Variants in SCMH1 observed in about 807,000 individuals in gnomAD.
The protein encoded by SCMH1 is polycomb protein SCMH1.
SCMH1 carries 37 observed loss-of-function variants against 70.8 expected under a neutral mutation model. That is an observed-to-expected ratio of 0.52 (90% CI 0.40 to 0.69). The LOEUF is 0.69. Ranked by LOEUF, SCMH1 falls within the 30% of genes least tolerant of loss-of-function variation. The probability of loss-of-function intolerance (pLI) is 0.00; values close to 1 mark genes in which losing one functional copy is unlikely to be tolerated. For synonymous variants in SCMH1, 292 were observed against 307.4 expected, an observed-to-expected ratio of 0.95 and a Z score of 0.52; for missense variants, 607 against 827.3, an observed-to-expected ratio of 0.73 and a Z score of 3.27.
chr1:41,169,665 T>C (rs1350974828), intron 2 of SCMH1, among the ~76,000 whole-genome samples: 2 of 152,202 alleles, frequency 1.3e-5, no homozygotes, highest in African/African-American at 4.8e-5. Context: ...CAATGCAAGT[T>C]AGTTGGAAGC....
chr1:41,132,006 A>G (rs1642396503), intron 6 of SCMH1, among the ~76,000 whole-genome samples: 2 of 152,196 alleles, frequency 1.3e-5, no homozygotes, highest in African/African-American at 4.8e-5. Flanking sequence ...TGCAATAAAT[A>G]TATGTGTGCA....
intron 8 of SCMH1, among the ~76,000 whole-genome samples, chr1:41,094,629 C>G (rs1276727414): frequency 6.6e-6 from 1 of 152,122 alleles, no homozygotes. Context: ...ATGGCTCACG[C>G]CTGTAATCCC....
At chr1:41,215,590 G>A (rs1251094910) in intron 1 of SCMH1, among the ~76,000 whole-genome samples, 1 of 151,796 alleles carries the variant, frequency 6.6e-6, no homozygotes, top group African/African-American at 2.4e-5. Context: ...TTCCTACTAT[G>A]CACCCAACTC....
intron 6 of SCMH1, among the ~76,000 whole-genome samples, chr1:41,132,513 A>T (rs1343158503): frequency 6.6e-6 from 1 of 152,064 alleles, no homozygotes; most frequent in Non-Finnish European, 1.5e-5. Flanking sequence ...CACTCTGCTG[A>T]TGGTTTCTTT....
At chr1:41,107,769 C>T (rs3737776) in intron 8 of SCMH1, among the ~76,000 whole-genome samples, 90,979 of 151,464 alleles carry the variant, frequency 0.6, 28,710 homozygotes, top group African/African-American at 0.81. Flanking sequence ...CTGCCTGCCT[C>T]GGCCTCCCAA....
At chr1:41,178,531 T>C (rs1376359869) in intron 2 of SCMH1, among the ~76,000 whole-genome samples, 1 of 152,088 alleles carries the variant, frequency 6.6e-6, no homozygotes, top group Admixed American at 6.6e-5. Context: ...AATAAAGGGA[T>C]GGAGGAAGAT....
intron 8 of SCMH1, among the ~76,000 whole-genome samples, chr1:41,085,690 A>T (rs1661415327): frequency 6.6e-6 from 1 of 152,212 alleles, no homozygotes; most frequent in African/African-American, 2.4e-5. Flanking sequence ...GATGTGCTGT[A>T]AATATAAAAT....
chr1:41,107,608 C>T (rs899579442), intron 8 of SCMH1, among the ~76,000 whole-genome samples: 1 of 152,088 alleles, frequency 6.6e-6, no homozygotes, highest in Non-Finnish European at 1.5e-5. Context: ...CAACCTCTGC[C>T]TCCTGGGTTC....
At chr1:41,042,041 A>G (rs1015849336) in intron 12 of SCMH1, among the ~76,000 whole-genome samples, 2 of 152,024 alleles carry the variant, frequency 1.3e-5, no homozygotes, top group Non-Finnish European at 2.9e-5. Context: ...TACTTGATCT[A>G]GCCACATGTA....
intron 6 of SCMH1, among the ~76,000 whole-genome samples, chr1:41,121,983 C>T (rs1057253907): frequency 6.6e-6 from 1 of 152,158 alleles, no homozygotes; most frequent in Non-Finnish European, 1.5e-5. Context: ...CACATTTCAC[C>T]ATCTCTACTG....
intron 8 of SCMH1, among the ~76,000 whole-genome samples, chr1:41,109,296 G>A (rs184341283): frequency 1.2e-4 from 19 of 152,118 alleles, no homozygotes; most frequent in Admixed American, 1.0e-3. Context: ...AATAAATATT[G>A]GTTTTTCCTA....
chr1:41,116,899 G>A, intron 7 of SCMH1, 23 bp downstream of exon 7: 1 of 1,579,998 alleles, frequency 6.3e-7, no homozygotes, highest in Non-Finnish European at 8.6e-7. Context: ...CCTGGAGCTG[G>A]TGATATCTGA....
At chr1:41,046,343 C>T (rs1646891397) in intron 12 of SCMH1, 64 bp downstream of exon 12, 9 of 1,430,638 alleles carry the variant, frequency 6.3e-6, no homozygotes, top group Non-Finnish European at 7.8e-6. Flanking sequence ...GACCCTGGGC[C>T]CCTGCAGGTG....
At chr1:41,186,155 T>C in exon 2 of SCMH1, 3 of 1,403,480 alleles carry the variant, frequency 2.1e-6, no homozygotes, top group Non-Finnish European at 3.0e-6. Context: ...TAAAAACCGG[T>C]CTAGGGGTTA....
At chr1:41,215,385 A>T (rs1360419555) in intron 1 of SCMH1, among the ~76,000 whole-genome samples, 2 of 152,200 alleles carry the variant, frequency 1.3e-5, no homozygotes, top group Admixed American at 6.5e-5. Context: ...TTGGCACAGT[A>T]TACATAACAC....
chr1:41,141,545 T>C (rs368473755), intron 6 of SCMH1, among the ~76,000 whole-genome samples: 1 of 152,236 alleles, frequency 6.6e-6, no homozygotes, highest in East Asian at 1.9e-4. Flanking sequence ...TATGAAAAAA[T>C]TGAACCAGAA....
intron 2 of SCMH1, among the ~76,000 whole-genome samples, chr1:41,176,216 A>T (rs1388167723): frequency 6.6e-6 from 1 of 151,722 alleles, no homozygotes; most frequent in Non-Finnish European, 1.5e-5. Context: ...AAAAAAAGGA[A>T]AGAAAGAGGA....
At chr1:41,235,116 T>C (rs1662098915) in intron 1 of SCMH1, among the ~76,000 whole-genome samples, 1 of 152,132 alleles carries the variant, frequency 6.6e-6, no homozygotes, top group South Asian at 2.1e-4. Flanking sequence ...TTAGTTACAT[T>C]AGATTGAATA....
chr1:41,214,684 T>C (rs952441916), intron 1 of SCMH1, among the ~76,000 whole-genome samples: 2 of 152,110 alleles, frequency 1.3e-5, no homozygotes, highest in Non-Finnish European at 2.9e-5. Flanking sequence ...CTCAGCTAAA[T>C]AGCTCATTTG....
Sources: gnomAD v4.1 joint callset for allele counts (sites outside exome capture counted in the v4.1 genomes callset) on GRCh38, gnomAD v4.1.1 for gene constraint, MANE v1.5 for transcripts, NCBI Gene and HGNC (gene_info 2026-07-23, HGNC 2026-07-21) for gene names.